Variants in RAB8B observed in about 807,000 individuals in gnomAD.
The protein encoded by RAB8B is ras-related protein Rab-8B.
Under a neutral mutation model 32.0 loss-of-function variants are expected in RAB8B, and 11 were observed. The observed-to-expected ratio is 0.34, with a 90% CI of 0.22 to 0.57. The LOEUF (loss-of-function observed/expected upper bound fraction) is 0.57, where lower values mean the gene tolerates loss of function less well. Ranked by LOEUF, RAB8B falls within the 20% of genes least tolerant of loss-of-function variation. The pLI, the probability that RAB8B is intolerant of heterozygous loss-of-function variation, is 0.86. For missense variants in RAB8B, 190 were observed against 258.5 expected, an observed-to-expected ratio of 0.73 and a Z score of 1.82; for synonymous variants, 103 against 89.6, an observed-to-expected ratio of 1.15 and a Z score of -0.85.
At chr15:63,233,636 ATCT>A (rs1479756337) in intron 1 of RAB8B, among the ~76,000 whole-genome samples, 1 of 152,240 alleles carries the variant, frequency 6.6e-6, no homozygotes, top group Non-Finnish European at 1.5e-5. Context: ...GTTAATCAAA[ATCT>A]TAAGGAGGTG....
intron 1 of RAB8B, among the ~76,000 whole-genome samples, chr15:63,200,843 A>C (rs1379802637): frequency 6.6e-6 from 1 of 152,176 alleles, no homozygotes; most frequent in Non-Finnish European, 1.5e-5. Context: ...CTTACACCCC[A>C]TCTGCCTTCA....
rs140528321 is a variant in RAB8B, at chr15:63,193,893, T to A, written c.124+4145T>A. On this transcript the variant is annotated intron_variant, in intron 1 of 7. Transcript: ENST00000321437. ...ACATAAAGACAACTAGGAATGATGA[T>A]ACAGTTAGCTATAGATTATATTTCC... Among the ~76,000 whole-genome samples, 433 of 152,322 alleles carry A rather than the reference T, an allele frequency of 2.8e-3. 4 individuals carry two copies. The highest frequency in any genetic ancestry group is 0.01 in the African/African-American group (422 of 41,566).
chr15:63,241,919 T>C (rs972380703), intron 1 of RAB8B, among the ~76,000 whole-genome samples: 2 of 151,908 alleles, frequency 1.3e-5, no homozygotes, highest in Non-Finnish European at 2.9e-5. Flanking sequence ...GCAGTAATAT[T>C]TATGCTGAGT....
At chr15:63,221,756 C>A (rs1198005847) in intron 1 of RAB8B, among the ~76,000 whole-genome samples, 1 of 152,048 alleles carries the variant, frequency 6.6e-6, no homozygotes, top group East Asian at 1.9e-4. Flanking sequence ...CCTGGGCTCA[C>A]GAATTAATAG....
chr15:63,257,603 G>C (rs1320894307), intron 5 of RAB8B, among the ~76,000 whole-genome samples: 1 of 152,028 alleles, frequency 6.6e-6, no homozygotes, highest in Non-Finnish European at 1.5e-5. Context: ...AACTTTTGCT[G>C]CAAACTTTTT....
intron 1 of RAB8B, among the ~76,000 whole-genome samples, chr15:63,237,825 G>C (rs1469454948): frequency 6.6e-6 from 1 of 152,152 alleles, no homozygotes; most frequent in Admixed American, 6.5e-5. Context: ...ATGTCCTGGA[G>C]AGTTTCCCCA....
At chr15:63,231,174 A>G (rs1255308500) in intron 1 of RAB8B, among the ~76,000 whole-genome samples, 1 of 152,206 alleles carries the variant, frequency 6.6e-6, no homozygotes, top group Non-Finnish European at 1.5e-5. Flanking sequence ...CATGGATAGC[A>G]TTCTTTTTAA....
intron 1 of RAB8B, among the ~76,000 whole-genome samples, chr15:63,221,919 A>G (rs2037847941): frequency 6.6e-6 from 1 of 152,204 alleles, no homozygotes; most frequent in Non-Finnish European, 1.5e-5. Flanking sequence ...TACAACCCCA[A>G]AATCTCAGTT....
At chr15:63,200,113 G>T (rs985181485) in intron 1 of RAB8B, among the ~76,000 whole-genome samples, 1 of 152,140 alleles carries the variant, frequency 6.6e-6, no homozygotes, top group South Asian at 2.1e-4. Context: ...ATGGTCTTCA[G>T]GTCTCTTCTG....
chr15:63,237,452 A>T (rs1393408702), intron 1 of RAB8B, among the ~76,000 whole-genome samples: 1 of 152,164 alleles, frequency 6.6e-6, no homozygotes, highest in Non-Finnish European at 1.5e-5. Context: ...ATGATATCTC[A>T]TTGTAGTTTT....
In RAB8B at chr15:63,266,436, G is replaced by C. The variant is rs977536770; in HGVS notation, c.*2817G>C. On this transcript the variant is annotated 3_prime_UTR_variant, in exon 8 of 8. Transcript: ENST00000321437. ...GTGCATCAGTTAGTAGGTGCTGCAG[G>C]GTTTCTTACTATTTACAGAAACATT... The C allele has an allele frequency of 6.6e-6, 1 of 152,290 alleles. No individual in the cohort carries two copies. Among genetic ancestry groups the C allele is most frequent in the African/African-American group, 2.4e-5 (1 of 41,338 alleles). The allele number at this position is 152,290 out of a possible 1,614,324, so 9.4% of individuals were successfully genotyped here.
intron 1 of RAB8B, chr15:63,223,790 G>A: frequency 2.6e-6 from 1 of 378,932 alleles, no homozygotes; most frequent in Non-Finnish European, 5.3e-6. Context: ...GACCCTGACT[G>A]ATACACTGTT....
At chr15:63,241,216 A>G (rs1055491122) in intron 1 of RAB8B, among the ~76,000 whole-genome samples, 1 of 152,122 alleles carries the variant, frequency 6.6e-6, no homozygotes, top group African/African-American at 2.4e-5. Context: ...AGTGGAGCAC[A>G]CTGTAATCCC....
intron 1 of RAB8B, among the ~76,000 whole-genome samples, chr15:63,191,131 G>T (rs2037552880): frequency 6.6e-6 from 1 of 152,178 alleles, no homozygotes; most frequent in Non-Finnish European, 1.5e-5. Context: ...TTTTGGTTGT[G>T]TTGGTGATGT....
intron 1 of RAB8B, chr15:63,223,828 T>G (rs1275725523): frequency 1.4e-5 from 6 of 422,160 alleles, no homozygotes; most frequent in Non-Finnish European, 2.8e-5. Context: ...CTTTTGTCTT[T>G]ATATTGTTTT....
chr15:63,198,850 T>C (rs1441065157), intron 1 of RAB8B, among the ~76,000 whole-genome samples: 1 of 152,264 alleles, frequency 6.6e-6, no homozygotes, highest in Non-Finnish European at 1.5e-5. Context: ...TATTGCAGCA[T>C]ACTCTAATCT....
intron 1 of RAB8B, among the ~76,000 whole-genome samples, chr15:63,223,643 A>G (rs962596310): frequency 1.3e-5 from 2 of 152,208 alleles, no homozygotes; most frequent in African/African-American, 4.8e-5. Context: ...TGCATTTTCC[A>G]GAACGTCTGG....
In RAB8B at chr15:63,264,244, A is replaced by G. The variant is rs1428906025; in HGVS notation, c.*625A>G. 1 of 152,166 alleles carries G rather than the reference A, an allele frequency of 6.6e-6. No individual in the cohort carries two copies. Among genetic ancestry groups the G allele is most frequent in the African/African-American group, 2.4e-5 (1 of 41,444 alleles). 9.4% of individuals were successfully genotyped at this position (152,166 alleles called of 1,614,324 possible). A position where few individuals can be genotyped will look rare whatever the true frequency, so the allele number is the denominator to read the frequency against. ...TTGCCTCATCCCCGACCTGTTTTCC[A>G]GAGTCTGGGTAGCTGAATGAATCAC... On this transcript the variant is annotated 3_prime_UTR_variant, in exon 8 of 8. Coordinates refer to ENST00000321437, the MANE Select transcript of RAB8B (RefSeq NM_016530.3).
chr15:63,235,994 T>C (rs1415722802), intron 1 of RAB8B, among the ~76,000 whole-genome samples: 2 of 152,222 alleles, frequency 1.3e-5, no homozygotes, highest in African/African-American at 4.8e-5. Context: ...TGGGAAGGTC[T>C]GATCTTTAAA....
Sources: allele counts gnomAD v4.1 joint callset (sites outside exome capture counted in the v4.1 genomes callset), GRCh38; gene constraint gnomAD v4.1.1; transcripts MANE v1.5; gene names NCBI Gene and HGNC (gene_info 2026-07-23, HGNC 2026-07-21).